The following COIL variants were observed in gnomAD, a reference collection of about 807,000 sequenced individuals.
The protein encoded by COIL is coilin.
Under a neutral mutation model 51.6 loss-of-function variants are expected in COIL, and 28 were observed. The ratio of observed to expected loss-of-function variants is 0.54; its 90% confidence interval spans 0.40 to 0.74. COIL has a LOEUF of 0.74. COIL is among the 30% of genes least tolerant of loss of function. The pLI is 0.00. For synonymous variants in COIL, 233 were observed against 255.8 expected, an observed-to-expected ratio of 0.91 and a Z score of 0.85; for missense variants, 667 against 685.9, an observed-to-expected ratio of 0.97 and a Z score of 0.31.
intron 4 of COIL, among the ~76,000 whole-genome samples, chr17:56,947,532 A>G (rs1300509331): frequency 1.3e-5 from 2 of 152,102 alleles, no homozygotes; most frequent in East Asian, 3.9e-4. Context: ...GTGCAGTGGC[A>G]TGATCTCAGC....
intron 1 of COIL, 23 bp downstream of exon 1, chr17:56,960,752 G>A (rs758782239): frequency 1.5e-6 from 2 of 1,327,722 alleles, no homozygotes; most frequent in South Asian, 2.5e-5. Flanking sequence ...CCACCCGGCC[G>A]TCCCGCTCCC....
At chr17:56,946,143 C>T (rs941674110) in intron 5 of COIL, among the ~76,000 whole-genome samples, 4 of 152,208 alleles carry the variant, frequency 2.6e-5, no homozygotes, top group African/African-American at 9.7e-5. Context: ...AATTTCATAG[C>T]ATTTCCTGAG....
chr17:56,949,382 C>G lies in COIL; in HGVS notation c.1488+5G>C, dbSNP rs1269616588. On this transcript the variant is annotated splice_donor_5th_base_variant and intron_variant, in intron 4 of 6. Transcript: ENST00000240316. ...GACAACTTACTTTTAAATAAACATC[C>G]TTACCTTGTAGTCAGAGACATCAGG... 6.3e-7 allele frequency: 1 copy of G among 1,586,618 alleles called. No homozygotes were observed. The highest frequency in any genetic ancestry group is 1.4e-5 in the African/African-American group (1 of 72,822).
rs1385403436 is a variant in COIL at position 56,938,640 on chromosome 17, A to G, written c.*431T>C. 6.6e-6 allele frequency: 1 copy of G among 152,518 alleles called. No individual in the cohort carries two copies. Among genetic ancestry groups the G allele is most frequent in the Non-Finnish European group, 1.5e-5 (1 of 68,240 alleles). The allele number at this position is 152,518 out of a possible 1,614,324, so 9.4% of individuals were successfully genotyped here. Reference sequence around the variant, plus strand: ...ATTTACAAGATGCTCCATTTAATGGAACAACTCAAATGCTAAAAAATTAGG... The same window carrying G: ...ATTTACAAGATGCTCCATTTAATGGGACAACTCAAATGCTAAAAAATTAGG... On this transcript the variant is annotated 3_prime_UTR_variant, in exon 7 of 7. Transcript: ENST00000240316.
intron 1 of COIL, among the ~76,000 whole-genome samples, chr17:56,953,865 G>A (rs753407220): frequency 1.3e-5 from 2 of 152,070 alleles, no homozygotes; most frequent in African/African-American, 2.4e-5. Flanking sequence ...GAGTGACCAG[G>A]GATTTTAAAT....
chr17:56,950,834 T>G lies in COIL; in HGVS notation c.408A>C (p.Arg136=). Residue 136 remains arginine, a synonymous_variant, in exon 2 of 7, where the codon CGA becomes CGC. Coordinates refer to ENST00000240316, the MANE Select transcript of COIL (RefSeq NM_004645.3). ...CKYSKKHWKS[R]ENNNNNEKVL... ...CCTTCTCATTATTGTTATTGTTCTC[T>G]CGACTCTTCCAATGCTTCTTTGAAT... 1 of 1,614,128 alleles carries G rather than the reference T, an allele frequency of 6.2e-7. No individual in the cohort carries two copies. Among genetic ancestry groups the G allele is most frequent in the Non-Finnish European group, 8.5e-7 (1 of 1,180,044 alleles).
chr17:56,956,176 CT>C (rs1346569317), intron 1 of COIL, among the ~76,000 whole-genome samples: 1 of 152,108 alleles, frequency 6.6e-6, no homozygotes, highest in Non-Finnish European at 1.5e-5. Context: ...TAGTAGGAAA[CT>C]TTTTATCTTG....
At chr17:56,958,822 A>G (rs1242387582) in intron 1 of COIL, among the ~76,000 whole-genome samples, 1 of 152,202 alleles carries the variant, frequency 6.6e-6, no homozygotes, top group Non-Finnish European at 1.5e-5. Context: ...TGAAATTTGG[A>G]TTATTTCAAA....
intron 5 of COIL, among the ~76,000 whole-genome samples, chr17:56,944,040 T>G (rs948242948): frequency 4.7e-5 from 7 of 148,348 alleles, no homozygotes; most frequent in African/African-American, 1.7e-4. Context: ...TATGTTTTGT[T>G]TTTTTTTTTT....
At position 56,939,168 on chromosome 17, in the gene COIL, C is replaced by A. The variant is rs1360550857; in HGVS notation, c.1648-14G>T. On this transcript the variant is annotated splice_polypyrimidine_tract_variant and intron_variant, in intron 6 of 6. Transcript: ENST00000240316. ...AAATACAGTGATCTGAGGAAAAAGA[C>A]AAAATACCCAGTTTAGGCACTTCAT... The A allele has an allele frequency of 1.4e-6, 2 of 1,436,518 alleles. No homozygotes were observed. Among genetic ancestry groups the A allele is most frequent in the Non-Finnish European group, 9.8e-7 (1 of 1,019,632 alleles). 89.0% of individuals were successfully genotyped at this position (1,436,518 alleles called of 1,614,324 possible). A position where few individuals can be genotyped will look rare whatever the true frequency, so the allele number is the denominator to read the frequency against.
At chr17:56,943,291 T>G (rs1910182668) in intron 5 of COIL, among the ~76,000 whole-genome samples, 1 of 152,238 alleles carries the variant, frequency 6.6e-6, no homozygotes, top group African/African-American at 2.4e-5. Context: ...AATCTTTGTT[T>G]TTGCTGGTGT....
intron 5 of COIL, among the ~76,000 whole-genome samples, chr17:56,945,869 T>C (rs1382358835): frequency 6.6e-6 from 1 of 152,180 alleles, no homozygotes; most frequent in Non-Finnish European, 1.5e-5. Context: ...GCGTGTGCCA[T>C]GACGCCCGGC....
At position 56,950,917 on chromosome 17, in the gene COIL, C is replaced by T; in HGVS notation, c.325G>A (p.Ala109Thr). The part of the protein sequence containing the change: ...NGDINLSLRK[A>T]KKRAFQLEEG... ...TCTAACTGAAATGCCCGCTTCTTTGCTTTTCTAAGAGATAAATTAATGTCA... is the reference window on the plus strand; with the variant it reads ...TCTAACTGAAATGCCCGCTTCTTTGTTTTTCTAAGAGATAAATTAATGTCA... Residue 109 changes from alanine to threonine, a missense_variant, in exon 2 of 7, where the codon GCA becomes ACA. Ala to Thr is a moderately conservative substitution (Grantham distance 58, BLOSUM62 0). Coordinates refer to ENST00000240316, the MANE Select transcript of COIL (RefSeq NM_004645.3). The T allele has an allele frequency of 6.2e-7, 1 of 1,613,668 alleles. No individual in the cohort carries two copies. The highest frequency in any genetic ancestry group is 8.5e-7 in the Non-Finnish European group (1 of 1,180,008).
In COIL at chr17:56,950,454, T is replaced by G; in HGVS notation, c.788A>C (p.Lys263Thr). 6.2e-7 allele frequency: 1 copy of G among 1,614,212 alleles called. No individual in the cohort carries two copies. Among genetic ancestry groups the G allele is most frequent in the Non-Finnish European group, 8.5e-7 (1 of 1,180,044 alleles). The change falls in exon 2 of 7, where the codon AAA becomes ACA. Residue 263 changes from lysine (K) to threonine (T), a missense_variant. By Grantham distance (78) the Lys-to-Thr change is moderately conservative. Coordinates refer to ENST00000240316, the MANE Select transcript of COIL (RefSeq NM_004645.3). ...GGAATTTCTGGCCTCCAAAGTGACTTTGCTGGGACCATCACTGATAGATTC... is the reference window on the plus strand; with the variant it reads ...GGAATTTCTGGCCTCCAAAGTGACTGTGCTGGGACCATCACTGATAGATTC... ...CDESISDGPS[K>T]VTLEARNSSE... is the part of the protein sequence containing the mutation.
At chr17:56,949,859 A>G in intron 2 of COIL, 30 bp downstream of exon 2, 1 of 1,610,494 alleles carries the variant, frequency 6.2e-7, no homozygotes, top group South Asian at 1.1e-5. Flanking sequence ...GGGGAAAGGG[A>G]GGAGATAACT....
intron 6 of COIL, among the ~76,000 whole-genome samples, chr17:56,941,729 A>G (rs1910152410): frequency 6.6e-6 from 1 of 152,210 alleles, no homozygotes; most frequent in South Asian, 2.1e-4. Flanking sequence ...ATGTAGTTAT[A>G]TGCACTTCTC....
At chr17:56,944,098 C>T (rs563363605) in intron 5 of COIL, among the ~76,000 whole-genome samples, 63 of 151,974 alleles carry the variant, frequency 4.1e-4, no homozygotes, top group African/African-American at 1.5e-3. Context: ...AACTCCTGGG[C>T]TCAAGTGATC....
At chr17:56,947,047 G>C (rs750616183) in intron 4 of COIL, among the ~76,000 whole-genome samples, 5 of 152,202 alleles carry the variant, frequency 3.3e-5, no homozygotes, top group Non-Finnish European at 4.4e-5. Context: ...GTCTCCAGCT[G>C]TGGGAGCTGA....
chr17:56,956,226 G>A (rs1161107141), intron 1 of COIL, among the ~76,000 whole-genome samples: 3 of 152,120 alleles, frequency 2.0e-5, no homozygotes, highest in Non-Finnish European at 4.4e-5. Context: ...AATATGAAAT[G>A]AGAACTCGTC....
Sources: allele counts gnomAD v4.1 joint callset (sites outside exome capture counted in the v4.1 genomes callset), GRCh38; gene constraint gnomAD v4.1.1; transcripts MANE v1.5; gene names NCBI Gene and HGNC (gene_info 2026-07-23, HGNC 2026-07-21).